Variants in CUL7 observed in about 807,000 individuals in gnomAD.
CUL7 encodes cullin 7.
A neutral mutation model predicts 177.7 loss-of-function variants in CUL7; 96 were observed. The observed-to-expected ratio is 0.54, with a 90% CI of 0.46 to 0.64. CUL7 has a LOEUF of 0.64. CUL7 is among the 30% of genes least tolerant of loss of function. The probability of loss-of-function intolerance (pLI) is 0.00; values close to 1 mark genes in which losing one functional copy is unlikely to be tolerated. For synonymous variants in CUL7, 824 were observed against 890.2 expected (o/e 0.93, Z 1.32); for missense variants, 1,893 against 2,187.9 (o/e 0.87, Z 2.69).
At chr6:43,041,975 G>C (rs549529380) in intron 19 of CUL7, among the ~76,000 whole-genome samples, 49 of 140,796 alleles carry the variant, frequency 3.5e-4, no homozygotes, top group African/African-American at 1.3e-3. Flanking sequence ...CTGCACTCCA[G>C]CCTGGGCAAC....
Position 43,049,597 on chromosome 6 carries a change from C to G in CUL7, c.1635G>C (p.Leu545=). 6.2e-7 allele frequency: 1 copy of G among 1,614,218 alleles called. No individual in the cohort carries two copies. Among genetic ancestry groups the G allele is most frequent in the Non-Finnish European group, 8.5e-7 (1 of 1,180,046 alleles). The change falls in exon 7 of 26, where the codon CTG becomes CTC. Residue 545 remains leucine, a synonymous_variant. Transcript: ENST00000265348. ...VPIELAQDLL[L]TLPQRLNDSA... Reference sequence around the variant, plus strand: ...TGTCATTGAGTCGCTGTGGCAGAGTCAGCAGCAAGTCCTGGGCCAATTCTA... The same window carrying G: ...TGTCATTGAGTCGCTGTGGCAGAGTGAGCAGCAAGTCCTGGGCCAATTCTA...
chr6:43,051,296 G>A lies in CUL7; in HGVS notation c.905C>T (p.Thr302Ile). Residue 302 changes from threonine (T) to isoleucine (I), a missense_variant, in exon 4 of 26, where the codon ACC (threonine) becomes ATC (isoleucine). Physicochemically the swap from Thr to Ile is moderately conservative, Grantham distance 89. This residue lies in a region of CUL7 where 653 missense variants were observed against 725.2 expected (regional missense o/e 0.90). Coordinates refer to ENST00000265348, the MANE Select transcript of CUL7 (RefSeq NM_014780.5). The surrounding 1 kb of genome is among the most constrained non-coding windows in gnomAD (Gnocchi z 5.0). The part of the protein sequence containing the change: ...LELEFSMAMG[T>I]LISELVQAMR... The stretch of plus-strand genomic sequence containing the variant: ...GGCTTGCACCAGCTCCGAGATCAGG[G>A]TGCCCATGGCCATACTGAACTCCAG... 1 of 1,610,178 alleles carries A rather than the reference G, an allele frequency of 6.2e-7. No individual in the cohort carries two copies. The highest frequency in any genetic ancestry group is 8.5e-7 in the Non-Finnish European group (1 of 1,177,218).
In CUL7 at chr6:43,038,850, C is replaced by G; in HGVS notation, c.4432G>C (p.Asp1478His). ...CAGCGGGGCTGGGCCACCTTCAGGT[C>G]GTTGAGATACAGCAGTAGCCACATC... is the stretch of plus-strand genomic sequence containing the variant. ...VQMWLLLYLNDLKAVSVESLL... is the reference protein window; with the variant it reads ...VQMWLLLYLNHLKAVSVESLL... The change falls in exon 23 of 26, where the codon GAC becomes CAC. Residue 1478 changes from aspartate to histidine, a missense_variant. Physicochemically the swap from Asp to His is moderately conservative, Grantham distance 81. Coordinates refer to ENST00000265348, the MANE Select transcript of CUL7 (RefSeq NM_014780.5). The G allele has an allele frequency of 6.2e-7, 1 of 1,614,152 alleles. No homozygotes were observed. Among genetic ancestry groups the G allele is most frequent in the Non-Finnish European group, 8.5e-7 (1 of 1,180,026 alleles).
At chr6:43,049,054 G>A (rs918271428) in intron 7 of CUL7, among the ~76,000 whole-genome samples, 4 of 152,086 alleles carry the variant, frequency 2.6e-5, no homozygotes, top group Non-Finnish European at 5.9e-5. Context: ...TTACAGGCGT[G>A]AGCCACCATG....
At position 43,042,933 on chromosome 6, in the gene CUL7, A is replaced by G. The variant is rs1763575777; in HGVS notation, c.3514T>C (p.Tyr1172His). 6.2e-7 allele frequency: 1 copy of G among 1,614,092 alleles called. No homozygotes were observed. Among genetic ancestry groups the G allele is most frequent in the Admixed American group, 1.7e-5 (1 of 60,008 alleles). ...TGCAGAATATTAAAGTGCTCACAGT[A>G]GCGTGGCACAAAGTCATCATCCCGC... ...SWRDDDFVPR[Y>H]CEHFNILQNS... is the part of the protein sequence containing the mutation. The change falls in exon 19 of 26, where the codon TAC becomes CAC. Residue 1172 changes from tyrosine to histidine, a missense_variant. Tyr to His is a moderately conservative substitution (Grantham distance 83). Transcript: ENST00000265348.
chr6:43,051,240 T>C lies in CUL7; in HGVS notation c.961A>G (p.Arg321Gly). Residue 321 changes from arginine to glycine, a missense_variant, in exon 4 of 26, where the codon AGG becomes GGG. Physicochemically the swap from Arg to Gly is moderately radical, Grantham distance 125. This residue lies in a region of CUL7 where 653 missense variants were observed against 725.2 expected (regional missense o/e 0.90). Transcript: ENST00000265348. The surrounding 1 kb of genome is among the most constrained non-coding windows in gnomAD (Gnocchi z 5.0). The part of the protein sequence containing the change: ...MRWDQASDRP[R>G]SSARSPGSIF... ...GAACCGGGGGACCGTGCTGAGCTCC[T>C]TGGTCTGTCTGAGGCCTGGTCCCAG... 1 of 1,614,008 alleles carries C rather than the reference T, an allele frequency of 6.2e-7. No individual in the cohort carries two copies.
chr6:43,038,543 C>G (rs1763146493), intron 24 of CUL7, 23 bp downstream of exon 24: 1 of 1,613,724 alleles, frequency 6.2e-7, no homozygotes, highest in Admixed American at 1.7e-5. Context: ...AGAGCAGAGG[C>G]CCCTCTGGCC....
At position 43,038,990 on chromosome 6, in the gene CUL7, G is replaced by T; in HGVS notation, c.4295-3C>A. On this transcript the variant is annotated splice_region_variant and splice_polypyrimidine_tract_variant and intron_variant, in intron 22 of 25. Coordinates refer to ENST00000265348, the MANE Select transcript of CUL7 (RefSeq NM_014780.5). The stretch of plus-strand genomic sequence containing the variant: ...CTCAAGGGCAGGGTGGCTCTGACCT[G>T]GACCAGGAAGGGGGAGGGAGACAAA... 1 of 1,597,274 alleles carries T rather than the reference G, an allele frequency of 6.3e-7. No individual in the cohort carries two copies. The highest frequency in any genetic ancestry group is 8.6e-7 in the Non-Finnish European group (1 of 1,164,672).
chr6:43,037,932 C>T lies in CUL7; in HGVS notation c.4853G>A (p.Ser1618Asn), dbSNP rs991314800. ...TAGGATGCAGGAGAGGACGTCAGTGCTGCTGCATGCAGACCCCTTACCAAG... is the reference window on the plus strand; with the variant it reads ...TAGGATGCAGGAGAGGACGTCAGTGTTGCTGCATGCAGACCCCTTACCAAG... ...SSLGKGSACS[S>N]TDVLSCILHL... is the part of the protein sequence containing the mutation. Residue 1618 changes from serine (S) to asparagine (N), a missense_variant, in exon 26 of 26, where the codon AGC becomes AAC. Transcript: ENST00000265348. 3 of 1,605,886 alleles carry T rather than the reference C, an allele frequency of 1.9e-6. No individual in the cohort carries two copies. The highest frequency in any genetic ancestry group is 1.7e-6 in the Non-Finnish European group (2 of 1,174,318).
intron 7 of CUL7, among the ~76,000 whole-genome samples, chr6:43,048,868 C>T (rs1413807547): frequency 4.6e-5 from 7 of 151,604 alleles, no homozygotes; most frequent in African/African-American, 7.3e-5. Context: ...CCTGGGTTCA[C>T]GCCATTCTCC....
At chr6:43,048,718 T>C in intron 7 of CUL7, 149 bp from the exon 8 acceptor site, 1 of 621,174 alleles carries the variant, frequency 1.6e-6, no homozygotes, top group Non-Finnish European at 2.8e-6. Flanking sequence ...TTTGGGGATC[T>C]AATCTCTGAA....
At position 43,053,580 on chromosome 6, in the gene CUL7, C is replaced by T; in HGVS notation, c.-9+42G>A. ...GCGCGAGGCTCGATGGGCTAGTGGG[C>T]AGGGAAGGAGAAGCAAGGGGCCGCG... On this transcript the variant is annotated intron_variant, in intron 1 of 25. Transcript: ENST00000265348. This position sits in a 1 kb window ranked among gnomAD's most constrained non-coding sequence, Gnocchi z 4.1. The T allele has an allele frequency of 7.9e-7, 1 of 1,273,418 alleles. No homozygotes were observed. Among genetic ancestry groups the T allele is most frequent in the Non-Finnish European group, 1.0e-6 (1 of 986,558 alleles). The allele number at this position is 1,273,418 out of a possible 1,614,324, so 78.9% of individuals were successfully genotyped here.
chr6:43,038,061 C>T (rs769936081), intron 25 of CUL7, 50 bp from the exon 26 acceptor site: 3 of 1,553,952 alleles, frequency 1.9e-6, no homozygotes, highest in African/African-American at 2.7e-5. Context: ...CAGCTGACCC[C>T]TCCTTGCTTG....
intron 7 of CUL7, 145 bp from the exon 8 acceptor site, chr6:43,048,714 G>T: frequency 1.6e-6 from 1 of 623,972 alleles, no homozygotes. Flanking sequence ...TAGGTTTGGG[G>T]ATCTAATCTC....
At position 43,043,634 on chromosome 6, in the gene CUL7, G is replaced by C; in HGVS notation, c.3173-4C>G. On this transcript the variant is annotated splice_polypyrimidine_tract_variant and splice_region_variant and intron_variant, in intron 16 of 25. Transcript: ENST00000265348. The surrounding 1 kb of genome is among the most constrained non-coding windows in gnomAD (Gnocchi z 4.2). ...AGGGGGCTAATGCCATCCTCATCTA[G>C]AGGGTGAGATAAACAAACCAAGGCA... 1 of 1,592,910 alleles carries C rather than the reference G, an allele frequency of 6.3e-7. No homozygotes were observed. The highest frequency in any genetic ancestry group is 1.3e-5 in the African/African-American group (1 of 74,718).
At position 43,038,324 on chromosome 6, in the gene CUL7, G is replaced by A; in HGVS notation, c.4716C>T (p.Val1572=). Reference sequence around the variant, plus strand: ...CATCTCCATGGGCCTTGAGGATTCGGACGATGAGGCAGTTCAGAAGATTCC... The same window carrying A: ...CATCTCCATGGGCCTTGAGGATTCGAACGATGAGGCAGTTCAGAAGATTCC... ...KRRNLLNCLI[V]RILKAHGDEG... is the part of the protein sequence containing the mutation. The change falls in exon 25 of 26, where the codon GTC becomes GTT. Residue 1572 remains valine (V), a synonymous_variant. Transcript: ENST00000265348. 1 of 1,614,180 alleles carries A rather than the reference G, an allele frequency of 6.2e-7. No homozygotes were observed. The highest frequency in any genetic ancestry group is 1.3e-5 in the African/African-American group (1 of 75,040).
rs886061418 is a variant in CUL7 at position 43,048,143 on chromosome 6, G to T, written c.2169+5C>A. 1 of 1,597,110 alleles carries T rather than the reference G, an allele frequency of 6.3e-7. No individual in the cohort carries two copies. The highest frequency in any genetic ancestry group is 1.3e-5 in the African/African-American group (1 of 74,700). Reference sequence around the variant, plus strand: ...CAGCCTCTCCCCAGAGCAGGGCAGGGGTACCTCTCGATCAGTGTTTGGGGA... The same window carrying T: ...CAGCCTCTCCCCAGAGCAGGGCAGGTGTACCTCTCGATCAGTGTTTGGGGA... On this transcript the variant is annotated splice_donor_5th_base_variant and intron_variant, in intron 9 of 25. Transcript: ENST00000265348.
chr6:43,049,622 A>T lies in CUL7; in HGVS notation c.1610T>A (p.Ile537Lys), dbSNP rs140237482. 40 of 1,614,044 alleles carry T rather than the reference A, an allele frequency of 2.5e-5. No homozygotes were observed. The highest frequency in any genetic ancestry group is 3.4e-5 in the Non-Finnish European group (40 of 1,180,038). The part of the protein sequence containing the change: ...DEILAELAVP[I>K]ELAQDLLLTL... ...CAGCAGCAAGTCCTGGGCCAATTCT[A>T]TGGGCACGGCCAGTTCAGCTAGGAT... is the stretch of plus-strand genomic sequence containing the variant. Residue 537 changes from isoleucine (I) to lysine (K), a missense_variant, in exon 7 of 26, where the codon ATA becomes AAA. Ile to Lys is a moderately radical substitution (Grantham distance 102). Transcript: ENST00000265348.
rs761278170 is a variant in CUL7, at chr6:43,051,632, C to T, written c.712G>A (p.Glu238Lys). 1.2e-5 allele frequency: 19 copies of T among 1,614,044 alleles called. No homozygotes were observed. Among genetic ancestry groups the T allele is most frequent in the Admixed American group, 6.7e-5 (4 of 60,000 alleles). Reference protein sequence around the residue: ...ATLSEHPMSFEGIQLPQVPGR... With the variant: ...ATLSEHPMSFKGIQLPQVPGR... ...GTTACCTGTGGTAGCTGAATGCCCTCGAAAGACATGGGGTGTTCAGAGAGC... is the reference window on the plus strand; with the variant it reads ...GTTACCTGTGGTAGCTGAATGCCCTTGAAAGACATGGGGTGTTCAGAGAGC... The change falls in exon 3 of 26, where the codon GAG (glutamate) becomes AAG (lysine). Residue 238 changes from glutamate to lysine, a missense_variant. Transcript: ENST00000265348. This position sits in a 1 kb window ranked among gnomAD's most constrained non-coding sequence, Gnocchi z 5.0.
Sources: gnomAD v4.1 joint callset for allele counts (sites outside exome capture counted in the v4.1 genomes callset) on GRCh38, gnomAD v4.1.1 for gene constraint, gnomAD v4.1.1 regional missense constraint, Gnocchi (gnomAD v3.1) non-coding constraint, MANE v1.5 for transcripts, NCBI Gene and HGNC (gene_info 2026-07-23, HGNC 2026-07-21) for gene names.